Variants in MIER3 observed in about 807,000 individuals in gnomAD.
The protein encoded by MIER3 is MIER family member 3.
A neutral mutation model predicts 63.2 loss-of-function variants in MIER3; 9 were observed. The observed-to-expected ratio is 0.14, with a 90% confidence interval of 0.09 to 0.25. MIER3 has a LOEUF of 0.25. Among genes scored for constraint, MIER3 ranks in the 10% least tolerant of loss-of-function variants. The pLI is 1.00. For synonymous variants in MIER3, 205 were observed against 224.9 expected (o/e 0.91, Z 0.79); for missense variants, 512 against 666.2 (o/e 0.77, Z 2.55).
chr5:56,928,671 G>A lies in MIER3; in HGVS notation c.924+96C>T, dbSNP rs180973461. 2.9e-3 allele frequency: 2,375 copies of A among 825,330 alleles called. 9 individuals carry two copies. Among genetic ancestry groups the A allele is most frequent in the South Asian group, 3.3e-3 (178 of 54,744 alleles). The allele number at this position is 825,330 out of a possible 1,614,324, so 51.1% of individuals were successfully genotyped here. A position where few individuals can be genotyped will look rare whatever the true frequency, so the allele number is the denominator to read the frequency against. On this transcript the variant is annotated intron_variant, in intron 10 of 12. Transcript: ENST00000381199. ...TCTGAAATGCTATAAGGGAACATTA[G>A]TAAGTTGTTCTTTTTTCCTACTTAA...
chr5:56,940,323 T>C (rs1235375533), intron 3 of MIER3, among the ~76,000 whole-genome samples: 1 of 152,154 alleles, frequency 6.6e-6, no homozygotes, highest in Non-Finnish European at 1.5e-5. Flanking sequence ...CCCTTTAAAA[T>C]AAAATAATCC....
At chr5:56,951,205 T>C (rs1172836595) in intron 1 of MIER3, among the ~76,000 whole-genome samples, 3 of 151,668 alleles carry the variant, frequency 2.0e-5, no homozygotes, top group African/African-American at 7.3e-5. Context: ...CCATCCTCTC[T>C]CTCGAGTCCA....
rs772259529 is a variant in MIER3 at position 56,923,113 on chromosome 5, G to C, written c.*15C>G. The C allele has an allele frequency of 1.2e-6, 2 of 1,607,578 alleles. No homozygotes were observed. The highest frequency in any genetic ancestry group is 1.7e-6 in the Non-Finnish European group (2 of 1,174,956). ...TACTGGTGCTGCACACGCAGTTCCGGGATCCTCACTCAGGTCACTCAGAGT... is the reference window on the plus strand; with the variant it reads ...TACTGGTGCTGCACACGCAGTTCCGCGATCCTCACTCAGGTCACTCAGAGT... On this transcript the variant is annotated 3_prime_UTR_variant, in exon 13 of 13. Coordinates refer to ENST00000381199, the MANE Select transcript of MIER3 (RefSeq NM_001297599.2).
rs1214257077 is a variant in MIER3, at chr5:56,923,427, A to C, written c.1354T>G (p.Cys452Gly). 3.1e-6 allele frequency: 5 copies of C among 1,614,060 alleles called. No individual in the cohort carries two copies. The highest frequency in any genetic ancestry group is 4.2e-6 in the Non-Finnish European group (5 of 1,180,038). ...LTLPSNGESD[C>G]FNLFETGFYH... The stretch of plus-strand genomic sequence containing the variant: ...AATCCAGTCTCAAATAAATTAAAAC[A>C]ATCACTTTCCCCATTGCTGGGCAGG... Residue 452 changes from cysteine to glycine, a missense_variant, in exon 13 of 13, where the codon TGT (cysteine) becomes GGT (glycine). Physicochemically the swap from Cys to Gly is radical, Grantham distance 159. Transcript: ENST00000381199.
At chr5:56,934,539 G>C (rs1421158703) in intron 7 of MIER3, among the ~76,000 whole-genome samples, 1 of 152,186 alleles carries the variant, frequency 6.6e-6, no homozygotes, top group East Asian at 1.9e-4. Flanking sequence ...TTTGGGTGGT[G>C]AGGTGAGAAG....
rs1253850906 is a variant in MIER3 at position 56,930,753 on chromosome 5, G to A, written c.748-8C>T. On this transcript the variant is annotated splice_polypyrimidine_tract_variant and splice_region_variant and intron_variant, in intron 8 of 12. Coordinates refer to ENST00000381199, the MANE Select transcript of MIER3 (RefSeq NM_001297599.2). Reference sequence around the variant, plus strand: ...GAGAAGTTCATATAATGCCTGGGATGGATATTCAATAAAAAGTATTAAAAG... The same window carrying A: ...GAGAAGTTCATATAATGCCTGGGATAGATATTCAATAAAAAGTATTAAAAG... The A allele has an allele frequency of 1.9e-6, 3 of 1,607,706 alleles. No individual in the cohort carries two copies. The African/African-American group carries it at 4.0e-5, about 22-fold the overall frequency.
At chr5:56,947,760 G>A (rs930691584) in intron 2 of MIER3, among the ~76,000 whole-genome samples, 2 of 152,112 alleles carry the variant, frequency 1.3e-5, no homozygotes, top group Non-Finnish European at 2.9e-5. Context: ...AGGGAATACA[G>A]AAAATCACAT....
intron 3 of MIER3, among the ~76,000 whole-genome samples, chr5:56,945,003 C>A (rs931708420): frequency 6.6e-6 from 1 of 152,064 alleles, no homozygotes; most frequent in African/African-American, 2.4e-5. Flanking sequence ...AGCCTAAATG[C>A]CTTTTTTTCT....
In MIER3 at chr5:56,935,768, T is replaced by TA. The variant is rs758244350; in HGVS notation, c.437-18dup. 1.3e-5 allele frequency: 21 copies of TA among 1,601,752 alleles called. No individual in the cohort carries two copies. In the African/African-American group the frequency reaches 2.7e-4, roughly 20 times the overall value. On this transcript the variant is annotated splice_polypyrimidine_tract_variant and intron_variant, in intron 5 of 12. Transcript: ENST00000381199. ...CAGTATTTGCTTAAAAGACAAAAATTAAAAAGGTTTTTACTGCCTATTTTT... is the reference window on the plus strand; with the variant it reads ...CAGTATTTGCTTAAAAGACAAAAATTAAAAAAGGTTTTTACTGCCTATTTTT...
At position 56,923,433 on chromosome 5, in the gene MIER3, T is replaced by G. The variant is rs1367042596; in HGVS notation, c.1348A>C (p.Ser450Arg). The G allele has an allele frequency of 6.2e-7, 1 of 1,614,156 alleles. No homozygotes were observed. The highest frequency in any genetic ancestry group is 1.1e-5 in the South Asian group (1 of 91,082). Reference protein sequence around the residue: ...ELLTLPSNGESDCFNLFETGF... With the variant: ...ELLTLPSNGERDCFNLFETGF... Reference sequence around the variant, plus strand: ...GTCTCAAATAAATTAAAACAATCACTTTCCCCATTGCTGGGCAGGGTGAGT... The same window carrying G: ...GTCTCAAATAAATTAAAACAATCACGTTCCCCATTGCTGGGCAGGGTGAGT... Residue 450 changes from serine to arginine, a missense_variant, in exon 13 of 13, where the codon AGT becomes CGT. Ser to Arg is a moderately radical substitution (Grantham distance 110). Coordinates refer to ENST00000381199, the MANE Select transcript of MIER3 (RefSeq NM_001297599.2).
intron 10 of MIER3, chr5:56,927,748 T>A (rs1317538345): frequency 6.6e-6 from 1 of 152,122 alleles, no homozygotes; most frequent in Non-Finnish European, 1.5e-5. Context: ...TACATTAGGG[T>A]TTACTCTTGA....
intron 3 of MIER3, chr5:56,940,955 C>G: frequency 9.1e-6 from 9 of 985,316 alleles, no homozygotes; most frequent in Non-Finnish European, 1.1e-5. Context: ...CAGAACCTCA[C>G]AGTTTCACAC....
At chr5:56,927,541 C>T (rs778718244) in intron 10 of MIER3, among the ~76,000 whole-genome samples, 29 of 152,108 alleles carry the variant, frequency 1.9e-4, no homozygotes, top group Non-Finnish European at 3.4e-4. Flanking sequence ...CCAAACTATT[C>T]TAATGAACAT....
In MIER3 at chr5:56,928,981, ACTCT is replaced by A. The variant is rs371679889; in HGVS notation, c.830-124_830-121del. ...CTCTCTCTCTCTCTCACACACACAC[ACTCT>A]CTCTCTCACACACACACACACTCTC... On this transcript the variant is annotated intron_variant, in intron 9 of 12. Coordinates refer to ENST00000381199, the MANE Select transcript of MIER3 (RefSeq NM_001297599.2). The A allele has an allele frequency of 2.1e-5, 10 of 469,202 alleles. 1 individual carries two copies. The highest frequency in any genetic ancestry group is 1.2e-4 in the Admixed American group (3 of 24,416). 29.1% of individuals were successfully genotyped at this position (469,202 alleles called of 1,614,324 possible).
At position 56,920,929 on chromosome 5, in the gene MIER3, A is replaced by G. The variant is rs1749642592; in HGVS notation, c.*2199T>C. On this transcript the variant is annotated 3_prime_UTR_variant, in exon 13 of 13. Transcript: ENST00000381199. Reference sequence around the variant, plus strand: ...TCAGATTGACATTTAAAAATCTATTAAACTAGCTGGAATTTATTTTTCTCT... The same window carrying G: ...TCAGATTGACATTTAAAAATCTATTGAACTAGCTGGAATTTATTTTTCTCT... 6.6e-6 allele frequency: 1 copy of G among 152,574 alleles called. No individual in the cohort carries two copies. Among genetic ancestry groups the G allele is most frequent in the African/African-American group, 2.4e-5 (1 of 41,444 alleles). The allele number at this position is 152,574 out of a possible 1,614,324, so 9.5% of individuals were successfully genotyped here.
intron 3 of MIER3, chr5:56,941,405 C>A (rs1405064659): frequency 6.6e-6 from 1 of 152,342 alleles, no homozygotes; most frequent in African/African-American, 2.4e-5. Context: ...CCCTGAGATA[C>A]AGAGTAACAC....
At chr5:56,941,298 G>A (rs1178005916) in intron 3 of MIER3, 9 of 243,252 alleles carry the variant, frequency 3.7e-5, no homozygotes, top group African/African-American at 4.7e-5. Flanking sequence ...TATGCACAGA[G>A]GGTGAAGACT....
Position 56,919,630 on chromosome 5 carries a change from A to G in MIER3, c.*3498T>C, listed in dbSNP as rs895168496. On this transcript the variant is annotated 3_prime_UTR_variant, in exon 13 of 13. Transcript: ENST00000381199. ...AGATTCCCAGATTTTTATTTCTGGA[A>G]CTGTACACCAGGTATTAAAGTACAA... 2 of 152,646 alleles carry G rather than the reference A, an allele frequency of 1.3e-5. No homozygotes were observed. The highest frequency in any genetic ancestry group is 4.8e-5 in the African/African-American group (2 of 41,454). The allele number at this position is 152,646 out of a possible 1,614,324, so 9.5% of individuals were successfully genotyped here.
Position 56,921,184 on chromosome 5 carries a change from A to T in MIER3, c.*1944T>A, listed in dbSNP as rs1295671661. ...TCAGTCATCTTTGTGTAAATTATTT[A>T]TACAGACCAGCCACTGTAAACCCAG... On this transcript the variant is annotated 3_prime_UTR_variant, in exon 13 of 13. Transcript: ENST00000381199. 6.6e-6 allele frequency: 1 copy of T among 152,596 alleles called. No individual in the cohort carries two copies. The highest frequency in any genetic ancestry group is 1.9e-4 in the East Asian group (1 of 5,206). 9.5% of individuals were successfully genotyped at this position (152,596 alleles called of 1,614,324 possible). A position where few individuals can be genotyped will look rare whatever the true frequency, so the allele number is the denominator to read the frequency against.
Sources: gnomAD v4.1 joint callset for allele counts (sites outside exome capture counted in the v4.1 genomes callset) on GRCh38, gnomAD v4.1.1 for gene constraint, MANE v1.5 for transcripts, NCBI Gene and HGNC (gene_info 2026-07-23, HGNC 2026-07-21) for gene names.